Variants in KIN observed in about 807,000 individuals in gnomAD.
KIN encodes Kin17 DNA and RNA binding protein.
Under a neutral mutation model 63.0 loss-of-function variants are expected in KIN, and 47 were observed. The ratio of observed to expected loss-of-function variants is 0.75; its 90% CI spans 0.59 to 0.95. KIN has a LOEUF of 0.95. Among genes scored for constraint, KIN ranks in the 40% least tolerant of loss-of-function variants. The pLI, the probability that KIN is intolerant of heterozygous loss-of-function variation, is 0.00. For missense variants in KIN, 408 were observed against 460.9 expected, an observed-to-expected ratio of 0.89 and a Z score of 1.05; for synonymous variants, 160 against 157.7, an observed-to-expected ratio of 1.01 and a Z score of -0.11.
intron 12 of KIN, among the ~76,000 whole-genome samples, chr10:7,758,330 A>G (rs1327150396): frequency 6.6e-6 from 1 of 152,178 alleles, no homozygotes; most frequent in African/African-American, 2.4e-5. Context: ...TCAGCCTCCC[A>G]AAGTGCTGGA....
intron 7 of KIN, among the ~76,000 whole-genome samples, chr10:7,774,000 G>T (rs1196732697): frequency 6.6e-6 from 1 of 152,188 alleles, no homozygotes; most frequent in Non-Finnish European, 1.5e-5. Flanking sequence ...ACAGCCTAAG[G>T]GCCAAATGCC....
intron 1 of KIN, 120 bp downstream of exon 1, chr10:7,787,700 A>G: frequency 1.3e-6 from 1 of 759,572 alleles, no homozygotes; most frequent in Non-Finnish European, 2.3e-6. Flanking sequence ...CAGACCTCAG[A>G]AGCCTCACGA....
In KIN at chr10:7,766,810, T is replaced by C. The variant is rs181195132; in HGVS notation, c.799-707A>G. Among the ~76,000 whole-genome samples, 1,083 of 151,922 alleles carry C rather than the reference T, an allele frequency of 7.1e-3. 9 individuals carry two copies. Among genetic ancestry groups the C allele is most frequent in the African/African-American group, 0.025 (1,023 of 41,432 alleles). ...AGGCTGAGGTGGGCGGATCACGAGG[T>C]CAGGAGTTTGAGACTAGCCTGGCGA... On this transcript the variant is annotated intron_variant, in intron 8 of 12. Transcript: ENST00000379562.
At chr10:7,787,077 T>C (rs1836032430) in intron 1 of KIN, among the ~76,000 whole-genome samples, 9 of 116,802 alleles carry the variant, frequency 7.7e-5, no homozygotes, top group Admixed American at 7.1e-4. Context: ...AATTCCATAG[T>C]GTAGCCATAT....
chr10:7,766,426 T>C (rs1004286820), intron 8 of KIN: 13 of 253,866 alleles, frequency 5.1e-5, no homozygotes, highest in Non-Finnish European at 7.5e-5. Flanking sequence ...TGTCAGGAGC[T>C]GGAAAAGAGG....
Position 7,777,600 on chromosome 10 carries a change from A to G in KIN, c.558+1238T>C, listed in dbSNP as rs566398521. Among the ~76,000 whole-genome samples, 7 of 152,358 alleles carry G rather than the reference A, an allele frequency of 4.6e-5. No individual in the cohort carries two copies. In the South Asian group the frequency reaches 1.2e-3, roughly 27 times the overall value. On this transcript the variant is annotated intron_variant, in intron 5 of 12. Transcript: ENST00000379562. ...TTGCCTGCTCACACACAAGTGTTAG[A>G]ATGTAAGCCACAGGAGGCAGGGCGT... is the stretch of plus-strand genomic sequence containing the variant.
chr10:7,758,841 A>G (rs1835383813), intron 12 of KIN, among the ~76,000 whole-genome samples: 1 of 152,180 alleles, frequency 6.6e-6, no homozygotes, highest in Non-Finnish European at 1.5e-5. Context: ...CTCAATGCCA[A>G]GTAGGAGTCC....
In KIN at chr10:7,754,933, A is replaced by C. The variant is rs922121101; in HGVS notation, c.*1147T>G. 1 of 152,140 alleles carries C rather than the reference A, an allele frequency of 6.6e-6. No individual in the cohort carries two copies. Among genetic ancestry groups the C allele is most frequent in the Admixed American group, 6.6e-5 (1 of 15,264 alleles). 9.4% of individuals were successfully genotyped at this position (152,140 alleles called of 1,614,324 possible). On this transcript the variant is annotated 3_prime_UTR_variant, in exon 13 of 13. Coordinates refer to ENST00000379562, the MANE Select transcript of KIN (RefSeq NM_012311.4). ...AATAATACACTGCCCTACTTATTTC[A>C]AACTGTATGGTTAGGCAGGGTGCTG...
At chr10:7,766,675 T>C (rs1835549825) in intron 8 of KIN, among the ~76,000 whole-genome samples, 1 of 152,014 alleles carries the variant, frequency 6.6e-6, no homozygotes, top group Non-Finnish European at 1.5e-5. Flanking sequence ...CAGTTAACCC[T>C]AAGTACCAAT....
chr10:7,765,923 TAA>T (rs1835534133), intron 9 of KIN, 128 bp downstream of exon 9: 3 of 552,544 alleles, frequency 5.4e-6, no homozygotes, highest in Middle Eastern at 4.2e-4. Context: ...AAAGTCATTA[TAA>T]GTTATAACTA....
At position 7,755,402 on chromosome 10, in the gene KIN, CATATT is replaced by C. The variant is rs1406596304; in HGVS notation, c.*673_*677del. 1 of 152,150 alleles carries C rather than the reference CATATT, an allele frequency of 6.6e-6. No individual in the cohort carries two copies. Among genetic ancestry groups the C allele is most frequent in the African/African-American group, 2.4e-5 (1 of 41,436 alleles). The allele number at this position is 152,150 out of a possible 1,614,324, so 9.4% of individuals were successfully genotyped here. A position where few individuals can be genotyped will look rare whatever the true frequency, so the allele number is the denominator to read the frequency against. ...GTAAGAAGCCAGTCATAAAAGATCA[CATATT>C]ATATGATTCCATTTATAAGAAATGT... is the stretch of plus-strand genomic sequence containing the variant. On this transcript the variant is annotated 3_prime_UTR_variant, in exon 13 of 13. Transcript: ENST00000379562.
intron 11 of KIN, among the ~76,000 whole-genome samples, chr10:7,761,055 G>A (rs965784408): frequency 2.0e-5 from 3 of 152,168 alleles, no homozygotes; most frequent in Non-Finnish European, 4.4e-5. Context: ...GTCAGCAGAT[G>A]TCGAGGAAGA....
At chr10:7,767,906 C>CATA (rs1314161134) in intron 8 of KIN, among the ~76,000 whole-genome samples, 2 of 151,306 alleles carry the variant, frequency 1.3e-5, no homozygotes, top group Non-Finnish European at 2.9e-5. Context: ...ATTTTCTATC[C>CATA]CTTCACAATG....
intron 12 of KIN, among the ~76,000 whole-genome samples, chr10:7,757,081 T>C (rs1161149802): frequency 6.6e-6 from 1 of 152,214 alleles, no homozygotes; most frequent in Non-Finnish European, 1.5e-5. Context: ...TGGTAATGTC[T>C]GTATGATTGG....
intron 2 of KIN, among the ~76,000 whole-genome samples, chr10:7,782,542 G>A (rs1271615075): frequency 2.0e-5 from 3 of 152,014 alleles, no homozygotes; most frequent in African/African-American, 7.3e-5. Context: ...GGGATTACAG[G>A]TGCCCACCAC....
At chr10:7,756,736 CT>C (rs947936720) in intron 12 of KIN, among the ~76,000 whole-genome samples, 4 of 145,804 alleles carry the variant, frequency 2.7e-5, no homozygotes, top group African/African-American at 5.1e-5. Context: ...TTGGGGTTTT[CT>C]TTTTTTTATA....
At chr10:7,771,895 CA>C (rs34263870) in intron 7 of KIN, among the ~76,000 whole-genome samples, 55,994 of 107,004 alleles carry the variant, frequency 0.52, 11,295 homozygotes, top group African/African-American at 0.57. Flanking sequence ...AATTCCGTCT[CA>C]AAAAAAAAAA....
intron 7 of KIN, among the ~76,000 whole-genome samples, chr10:7,771,229 A>G (rs1001307302): frequency 7.9e-5 from 12 of 152,232 alleles, no homozygotes; most frequent in African/African-American, 2.7e-4. Context: ...AATTCAGATC[A>G]TAATCAACTA....
In KIN at chr10:7,764,326, G is replaced by T. The variant is rs796068274; in HGVS notation, c.850-535C>A. Among the ~76,000 whole-genome samples, 38 of 152,278 alleles carry T rather than the reference G, an allele frequency of 2.5e-4. 3 individuals carry two copies. Among genetic ancestry groups the T allele is most frequent in the African/African-American group, 8.7e-4 (36 of 41,564 alleles). ...TCCTCCAGATTAGATATAGCTAAAG[G>T]TATTGTTCTTCTGACCATCTAATTC... On this transcript the variant is annotated intron_variant, in intron 9 of 12. Coordinates refer to ENST00000379562, the MANE Select transcript of KIN (RefSeq NM_012311.4).
Sources: gnomAD v4.1 joint callset for allele counts (sites outside exome capture counted in the v4.1 genomes callset) on GRCh38, gnomAD v4.1.1 for gene constraint, MANE v1.5 for transcripts, NCBI Gene and HGNC (gene_info 2026-07-23, HGNC 2026-07-21) for gene names.